SHROOM4: variants seen among roughly 807,000 people sequenced by gnomAD.
SHROOM4 encodes protein Shroom4.
A neutral mutation model predicts 80.3 loss-of-function variants in SHROOM4; 17 were observed. The observed-to-expected ratio is 0.21, with a 90% CI of 0.14 to 0.32. The LOEUF (loss-of-function observed/expected upper bound fraction) is 0.32, where lower values mean the gene tolerates loss of function less well. Among genes scored for constraint, SHROOM4 ranks in the 10% least tolerant of loss-of-function variants. The pLI, the probability that SHROOM4 is intolerant of heterozygous loss-of-function variation, is 1.00. For missense variants in SHROOM4, 993 were observed against 1,140.3 expected (o/e 0.87, Z 1.86); for synonymous variants, 400 against 437.5 (o/e 0.91, Z 1.07).
At chrX:50,769,435 T>C (rs1466430622) in intron 1 of SHROOM4, among the ~76,000 whole-genome samples, 1 of 111,913 alleles carries the variant, frequency 8.9e-6, no homozygotes, top group African/African-American at 3.2e-5. Context: ...GCAGGCCCAA[T>C]AGGACCACAG....
intron 2 of SHROOM4, among the ~76,000 whole-genome samples, chrX:50,669,316 C>A (rs1557260594): frequency 8.9e-6 from 1 of 111,920 alleles, no homozygotes. Context: ...CCTCTCTCCT[C>A]TCTTCTCTTT....
intron 2 of SHROOM4, among the ~76,000 whole-genome samples, chrX:50,690,149 A>G (rs1475214828): frequency 8.9e-6 from 1 of 112,215 alleles, no homozygotes; most frequent in Non-Finnish European, 1.9e-5. Flanking sequence ...TTCTACTGTT[A>G]CATGTCCATT....
intron 5 of SHROOM4, among the ~76,000 whole-genome samples, chrX:50,609,874 A>C (rs1557249474): frequency 9.0e-6 from 1 of 110,999 alleles, no homozygotes; most frequent in Non-Finnish European, 1.9e-5. Flanking sequence ...AATTTACATA[A>C]AAATTCAAAC....
chrX:50,805,986 G>A (rs1936219410), intron 1 of SHROOM4, among the ~76,000 whole-genome samples: 1 of 106,965 alleles, frequency 9.3e-6, no homozygotes, highest in Non-Finnish European at 1.9e-5. Flanking sequence ...AGCCAAGAGG[G>A]ACAAAGCTGG....
intron 2 of SHROOM4, among the ~76,000 whole-genome samples, chrX:50,671,181 A>G (rs1932794561): frequency 8.9e-6 from 1 of 111,959 alleles, no homozygotes. Flanking sequence ...ATGTGCTGTC[A>G]TCCAGGTTTG....
chrX:50,751,851 C>G (rs1934925766), intron 1 of SHROOM4, among the ~76,000 whole-genome samples: 1 of 111,580 alleles, frequency 9.0e-6, no homozygotes, highest in Non-Finnish European at 1.9e-5. Flanking sequence ...AAGTTTGAAC[C>G]CCACTCCCGA....
At chrX:50,663,921 A>C (rs1557260157) in intron 2 of SHROOM4, among the ~76,000 whole-genome samples, 1 of 112,142 alleles carries the variant, frequency 8.9e-6, no homozygotes, top group East Asian at 2.8e-4. Flanking sequence ...ATTGCTTAAC[A>C]TACATGCTCA....
chrX:50,763,388 G>A (rs1391763827), intron 1 of SHROOM4, among the ~76,000 whole-genome samples: 1 of 111,210 alleles, frequency 9.0e-6, no homozygotes, highest in Non-Finnish European at 1.9e-5. Flanking sequence ...AACCTCACAC[G>A]TTGTTTATAT....
At chrX:50,600,607 A>G (rs1364746835) in intron 7 of SHROOM4, among the ~76,000 whole-genome samples, 1 of 111,971 alleles carries the variant, frequency 8.9e-6, no homozygotes, top group Non-Finnish European at 1.9e-5. Context: ...TAGCCCAAGC[A>G]CTGGGCCCAT....
intron 2 of SHROOM4, among the ~76,000 whole-genome samples, chrX:50,686,427 A>G (rs1202920182): frequency 9.0e-6 from 1 of 111,360 alleles, no homozygotes; most frequent in Non-Finnish European, 1.9e-5. Context: ...AGAAAAGAGC[A>G]GTTACCAAAT....
At chrX:50,756,616 AT>A (rs1243365572) in intron 1 of SHROOM4, among the ~76,000 whole-genome samples, 4 of 112,360 alleles carry the variant, frequency 3.6e-5, no homozygotes, top group Non-Finnish European at 7.5e-5. Context: ...CGTATCAGCA[AT>A]GTATGAGAGT....
At chrX:50,627,845 C>T (rs1930871782) in intron 4 of SHROOM4, among the ~76,000 whole-genome samples, 170 bp from the exon 5 acceptor site, 3 of 111,693 alleles carry the variant, frequency 2.7e-5, no homozygotes, top group South Asian at 3.8e-4. Flanking sequence ...GCCTTTCTGT[C>T]GGCAGGCTTG....
intron 5 of SHROOM4, among the ~76,000 whole-genome samples, chrX:50,618,287 CCTTCCT>C (rs1930360023): frequency 9.0e-3 from 2 of 221 alleles, no homozygotes; most frequent in Non-Finnish European, 7.2e-3. Flanking sequence ...CCCCTTCCTT[CCTTCCT>C]TCCTTCCTTC....
chrX:50,746,838 C>G (rs1557267630), intron 1 of SHROOM4, among the ~76,000 whole-genome samples: 1 of 112,110 alleles, frequency 8.9e-6, no homozygotes, highest in Non-Finnish European at 1.9e-5. Flanking sequence ...AAACTATACA[C>G]ATGCTATTAC....
intron 2 of SHROOM4, among the ~76,000 whole-genome samples, chrX:50,647,162 GT>G (rs2147331264): frequency 9.0e-6 from 1 of 111,531 alleles, no homozygotes; most frequent in South Asian, 3.8e-4. Context: ...GAAATTTCTA[GT>G]TTTTCTATAT....
chrX:50,627,522 T>A (rs1930851925), intron 5 of SHROOM4, 92 bp downstream of exon 5: 1 of 851,411 alleles, frequency 1.2e-6, no homozygotes. Flanking sequence ...GCCAGTTTCC[T>A]CAAAGGAAAC....
chrX:50,718,136 A>C (rs1934013075), intron 1 of SHROOM4, among the ~76,000 whole-genome samples: 1 of 111,662 alleles, frequency 9.0e-6, no homozygotes, highest in South Asian at 3.8e-4. Flanking sequence ...TTGGGGCTAC[A>C]TTGGTGAGGA....
intron 1 of SHROOM4, among the ~76,000 whole-genome samples, chrX:50,789,303 T>C (rs1557271343): frequency 8.9e-6 from 1 of 111,803 alleles, no homozygotes; most frequent in African/African-American, 3.2e-5. Flanking sequence ...CATGTATATT[T>C]TCTGACCACA....
At chrX:50,783,776 A>T (rs1557270833) in intron 1 of SHROOM4, among the ~76,000 whole-genome samples, 1 of 111,178 alleles carries the variant, frequency 9.0e-6, no homozygotes, top group African/African-American at 3.3e-5. Context: ...GGGTTTTGCC[A>T]TGTTGGCCAG....
Sources: allele counts gnomAD v4.1 joint callset (sites outside exome capture counted in the v4.1 genomes callset), GRCh38; gene constraint gnomAD v4.1.1; transcripts MANE v1.5; gene names NCBI Gene and HGNC (gene_info 2026-07-23, HGNC 2026-07-21).